Variants in DENND1B observed in about 807,000 individuals in gnomAD.
The protein encoded by DENND1B is DENN domain containing 1B.
A neutral mutation model predicts 90.1 loss-of-function variants in DENND1B; 59 were observed. The observed-to-expected ratio is 0.65, with a 90% CI of 0.53 to 0.81. DENND1B has a LOEUF of 0.81. Among genes scored for constraint, DENND1B ranks in the 40% least tolerant of loss-of-function variants. The pLI is 0.00. For missense variants in DENND1B, 862 were observed against 912.6 expected (o/e 0.94, Z 0.71); for synonymous variants, 337 against 324.6 (o/e 1.04, Z -0.41).
intron 2 of DENND1B, among the ~76,000 whole-genome samples, chr1:197,755,506 C>T (rs1375721779): frequency 2.7e-5 from 4 of 150,230 alleles, no homozygotes; most frequent in African/African-American, 9.8e-5. Context: ...GGGAAGAAAA[C>T]TAGTAAAGAG....
chr1:197,585,842 G>T (rs765924163), intron 14 of DENND1B, among the ~76,000 whole-genome samples: 1 of 152,154 alleles, frequency 6.6e-6, no homozygotes, highest in African/African-American at 2.4e-5. Flanking sequence ...TAAGGCATAT[G>T]TTATGAAAGA....
chr1:197,611,076 T>C (rs893377672), intron 12 of DENND1B, among the ~76,000 whole-genome samples: 2 of 150,798 alleles, frequency 1.3e-5, no homozygotes, highest in Non-Finnish European at 3.0e-5. Context: ...ATGGAGGGTA[T>C]ACAGTGATGG....
rs117636349 is a variant in DENND1B at position 197,535,014 on chromosome 1, A to G, written c.1515+4950T>C. On this transcript the variant is annotated intron_variant, in intron 20 of 22. Coordinates refer to ENST00000620048, the MANE Select transcript of DENND1B (RefSeq NM_001195215.2). ...GATTATCTCCAGAAAAGTGAACCAA[A>G]GAAGCTTCTGCAATATCAGACTGCA... 6.8e-4 allele frequency among the ~76,000 whole-genome samples: 104 copies of G among 152,314 alleles called. No homozygotes were observed. In the East Asian group the frequency reaches 0.02, roughly 29 times the overall value.
chr1:197,642,131 C>A (rs1463753859), intron 10 of DENND1B, among the ~76,000 whole-genome samples: 2 of 151,998 alleles, frequency 1.3e-5, no homozygotes, highest in South Asian at 4.2e-4. Flanking sequence ...TCTCTCCCTG[C>A]CTTTACCATA....
chr1:197,547,691 T>C (rs1272322885), intron 16 of DENND1B, among the ~76,000 whole-genome samples: 1 of 152,196 alleles, frequency 6.6e-6, no homozygotes, highest in Non-Finnish European at 1.5e-5. Flanking sequence ...TAAAAATAAG[T>C]TGCCCTGTTT....
At chr1:197,674,543 A>T (rs2125988134) in intron 3 of DENND1B, among the ~76,000 whole-genome samples, 1 of 152,282 alleles carries the variant, frequency 6.6e-6, no homozygotes, top group Admixed American at 6.5e-5. Context: ...CTTCTGACAG[A>T]TCCTGGCTCA....
chr1:197,550,745 T>C (rs976875063), intron 16 of DENND1B, among the ~76,000 whole-genome samples: 2 of 151,108 alleles, frequency 1.3e-5, no homozygotes, highest in African/African-American at 4.9e-5. Context: ...CACACCAACA[T>C]GGCACATGTA....
the DENND1B span, among the ~76,000 whole-genome samples, chr1:197,781,486 A>G: frequency 3.0e-4 from 46 of 152,342 alleles, no homozygotes; most frequent in East Asian, 7.3e-3. Context: ...CTGCCTTTTA[A>G]TATTGACTGA....
intron 2 of DENND1B, among the ~76,000 whole-genome samples, chr1:197,740,865 T>C (rs956394918): frequency 6.6e-6 from 1 of 152,188 alleles, no homozygotes; most frequent in Non-Finnish European, 1.5e-5. Flanking sequence ...TTTTGCAAGA[T>C]AAATAAGCAT....
chr1:197,638,920 A>G (rs1680030887), intron 10 of DENND1B, among the ~76,000 whole-genome samples: 1 of 152,216 alleles, frequency 6.6e-6, no homozygotes, highest in Non-Finnish European at 1.5e-5. Flanking sequence ...AAACATGCAA[A>G]AATATAATAA....
chr1:197,696,534 T>C (rs948460251), intron 3 of DENND1B, among the ~76,000 whole-genome samples: 10 of 151,592 alleles, frequency 6.6e-5, no homozygotes, highest in African/African-American at 2.2e-4. Context: ...ACCTATTAAA[T>C]CTTCATGCTA....
intron 15 of DENND1B, among the ~76,000 whole-genome samples, chr1:197,580,919 G>A (rs994232631): frequency 5.3e-5 from 8 of 152,140 alleles, no homozygotes; most frequent in South Asian, 2.1e-4. Flanking sequence ...GTAGTATGTA[G>A]GTTATTTATG....
At chr1:197,715,537 A>G (rs988605370) in intron 2 of DENND1B, among the ~76,000 whole-genome samples, 2 of 151,846 alleles carry the variant, frequency 1.3e-5, no homozygotes, top group African/African-American at 4.8e-5. Context: ...TAAAATTCCA[A>G]TTAAGATTTA....
chr1:197,611,209 T>C (rs1262713917), intron 12 of DENND1B, among the ~76,000 whole-genome samples: 2 of 150,878 alleles, frequency 1.3e-5, no homozygotes, highest in Admixed American at 6.6e-5. Context: ...TCTAGCATAA[T>C]GACACCACTC....
chr1:197,748,442 T>C (rs1270225514), intron 2 of DENND1B, among the ~76,000 whole-genome samples: 1 of 152,142 alleles, frequency 6.6e-6, no homozygotes, highest in Non-Finnish European at 1.5e-5. Context: ...TTATATAACA[T>C]AGGAGAATTA....
intron 20 of DENND1B, among the ~76,000 whole-genome samples, chr1:197,520,400 T>A (rs1178513781): frequency 6.6e-6 from 1 of 152,002 alleles, no homozygotes; most frequent in Non-Finnish European, 1.5e-5. Flanking sequence ...AACTTTTTGA[T>A]CATAGATGAA....
At position 197,643,278 on chromosome 1, in the gene DENND1B, C is replaced by G. The variant is rs963613706; in HGVS notation, c.562-457G>C. On this transcript the variant is annotated intron_variant, in intron 9 of 22. Coordinates refer to ENST00000620048, the MANE Select transcript of DENND1B (RefSeq NM_001195215.2). The stretch of plus-strand genomic sequence containing the variant: ...CAGGTGATTTTCGTGCTTCAGCCAC[C>G]AGAGTAGCTAGGATTACAGGTGCAC... Among the ~76,000 whole-genome samples the G allele has an allele frequency of 4.7e-4, 71 of 151,998 alleles. 1 individual carries two copies. The highest frequency in any genetic ancestry group is 1.5e-3 in the African/African-American group (63 of 41,464).
chr1:197,703,493 T>C (rs897862197), intron 3 of DENND1B, among the ~76,000 whole-genome samples: 8 of 152,156 alleles, frequency 5.3e-5, no homozygotes, highest in Non-Finnish European at 8.8e-5. Flanking sequence ...CATGAATCTG[T>C]TGGATGTTAA....
upstream of DENND1B, among the ~76,000 whole-genome samples, chr1:197,777,712 T>C (rs1293060147): frequency 2.6e-5 from 4 of 152,186 alleles, no homozygotes; most frequent in Non-Finnish European, 5.9e-5. Flanking sequence ...CAATTAATAT[T>C]AACAGTTTTC....
Sources: allele counts gnomAD v4.1 joint callset (sites outside exome capture counted in the v4.1 genomes callset), GRCh38; gene constraint gnomAD v4.1.1; transcripts MANE v1.5; gene names NCBI Gene and HGNC (gene_info 2026-07-23, HGNC 2026-07-21).